Variants in AGAP1 observed in about 807,000 individuals in gnomAD.
AGAP1 encodes the protein ArfGAP with GTPase domain, ankyrin repeat and PH domain 1.
AGAP1 carries 29 observed loss-of-function variants against 105.3 expected under a neutral mutation model. That is an observed-to-expected ratio of 0.28 (90% confidence interval 0.21 to 0.38). The LOEUF (loss-of-function observed/expected upper bound fraction) is 0.38, where lower values mean the gene tolerates loss of function less well. Among genes scored for constraint, AGAP1 ranks in the 10% least tolerant of loss-of-function variants. AGAP1 has a pLI of 1.00. For synonymous variants in AGAP1, 509 were observed against 485.9 expected (o/e 1.05, Z -0.63); for missense variants, 998 against 1,165.1 (o/e 0.86, Z 2.09).
chr2:235,866,398 G>A lies in AGAP1; in HGVS notation c.1051-16947G>A, dbSNP rs531013340. On this transcript the variant is annotated intron_variant, in intron 9 of 17. Transcript: ENST00000304032. The surrounding 1 kb of genome is among the most constrained non-coding windows in gnomAD (Gnocchi z 6.1). ...TGAGGTACCTGGTAGATACTCGGGG[G>A]AGTGTGTCCAGTACGGAATGGGAAT... Among the ~76,000 whole-genome samples the A allele has an allele frequency of 1.3e-5, 2 of 152,262 alleles. No individual in the cohort carries two copies. The highest frequency in any genetic ancestry group is 6.5e-5 in the Admixed American group (1 of 15,290).
At chr2:235,510,512 G>T (rs954379951) in intron 1 of AGAP1, among the ~76,000 whole-genome samples, 2 of 152,164 alleles carry the variant, frequency 1.3e-5, no homozygotes, top group African/African-American at 4.8e-5. Flanking sequence ...GAACATTCAC[G>T]TGCAAGTCTT....
rs375682880 is a variant in AGAP1 at position 236,125,041 on chromosome 2, A to C, written c.*919A>C. 2 of 166,738 alleles carry C rather than the reference A, an allele frequency of 1.2e-5. No homozygotes were observed. Among genetic ancestry groups the C allele is most frequent in the Non-Finnish European group, 2.9e-5 (2 of 68,128 alleles). 10.3% of individuals were successfully genotyped at this position (166,738 alleles called of 1,614,324 possible). The stretch of plus-strand genomic sequence containing the variant: ...CAAAAGGAAACCACAAATTCAGCTA[A>C]TAATAGCATTTCGAGTATATTTCGT... On this transcript the variant is annotated 3_prime_UTR_variant, in exon 18 of 18. Coordinates refer to ENST00000304032, the MANE Select transcript of AGAP1 (RefSeq NM_001037131.3). This position sits in a 1 kb window ranked among gnomAD's most constrained non-coding sequence, Gnocchi z 5.2.
In AGAP1 at chr2:235,979,432, C is replaced by T. The variant is rs1183995478; in HGVS notation, c.1645+10809C>T. On this transcript the variant is annotated intron_variant, in intron 13 of 17. Transcript: ENST00000304032. This position sits in a 1 kb window ranked among gnomAD's most constrained non-coding sequence, Gnocchi z 4.5. Reference sequence around the variant, plus strand: ...GTCCGATCATAGTTACTGACTCGCGCTCATTTTATCAAGATGTATTAATGC... The same window carrying T: ...GTCCGATCATAGTTACTGACTCGCGTTCATTTTATCAAGATGTATTAATGC... Among the ~76,000 whole-genome samples the T allele has an allele frequency of 6.6e-6, 1 of 152,138 alleles. No homozygotes were observed. The highest frequency in any genetic ancestry group is 2.4e-5 in the African/African-American group (1 of 41,414).
At chr2:235,529,032 G>A (rs1158110004) in intron 1 of AGAP1, among the ~76,000 whole-genome samples, 2 of 152,152 alleles carry the variant, frequency 1.3e-5, no homozygotes, top group Admixed American at 6.5e-5. Flanking sequence ...TGATTCTCCT[G>A]CTGTGTGTCT....
In AGAP1 at chr2:236,003,911, A is replaced by G. The variant is rs1299210804; in HGVS notation, c.1646-32650A>G. The stretch of plus-strand genomic sequence containing the variant: ...AATAATACATACATGGTATAGATTG[A>G]TGCATAAAACAGTCAGCCCCTGGAC... On this transcript the variant is annotated intron_variant, in intron 13 of 17. Transcript: ENST00000304032. This position sits in a 1 kb window ranked among gnomAD's most constrained non-coding sequence, Gnocchi z 4.2. Among the ~76,000 whole-genome samples the G allele has an allele frequency of 6.6e-6, 1 of 152,198 alleles. No homozygotes were observed. The highest frequency in any genetic ancestry group is 6.5e-5 in the Admixed American group (1 of 15,274).
At chr2:235,844,256 A>G (rs1384722647) in intron 9 of AGAP1, among the ~76,000 whole-genome samples, 1 of 152,150 alleles carries the variant, frequency 6.6e-6, no homozygotes, top group Non-Finnish European at 1.5e-5. Flanking sequence ...TTTAACTTGA[A>G]TGCAGGAGCC....
At chr2:235,672,049 CAAAA>C (rs35296424) in intron 1 of AGAP1, among the ~76,000 whole-genome samples, 1 of 145,954 alleles carries the variant, frequency 6.9e-6, no homozygotes, top group Non-Finnish European at 1.5e-5. Flanking sequence ...TTTTTACCAC[CAAAA>C]AAAAAAATAT....
chr2:235,942,410 G>A (rs1285019905), intron 12 of AGAP1, among the ~76,000 whole-genome samples: 2 of 152,154 alleles, frequency 1.3e-5, no homozygotes, highest in African/African-American at 4.8e-5. Context: ...GGGCGTGGTG[G>A]CTCACACCTG....
intron 1 of AGAP1, among the ~76,000 whole-genome samples, chr2:235,537,097 A>C (rs1360295920): frequency 1.3e-5 from 2 of 152,260 alleles, no homozygotes; most frequent in Admixed American, 6.5e-5. Flanking sequence ...AAACAGACTC[A>C]AACGCATCTT....
At position 235,787,050 on chromosome 2, in the gene AGAP1, C is replaced by T. The variant is rs1398815459; in HGVS notation, c.674-10709C>T. On this transcript the variant is annotated intron_variant, in intron 6 of 17. Transcript: ENST00000304032. The surrounding 1 kb of genome is among the most constrained non-coding windows in gnomAD (Gnocchi z 4.4). ...GACACCAGCTCCTGCCACTCTGACA[C>T]ATACTTAGGCAGTGCTCAGAGTCGA... 6.6e-6 allele frequency among the ~76,000 whole-genome samples: 1 copy of T among 152,256 alleles called. No individual in the cohort carries two copies. Among genetic ancestry groups the T allele is most frequent in the African/African-American group, 2.4e-5 (1 of 41,472 alleles).
chr2:235,613,001 CAA>C (rs907150955), intron 1 of AGAP1, among the ~76,000 whole-genome samples: 6 of 151,324 alleles, frequency 4.0e-5, no homozygotes, highest in Admixed American at 6.6e-5. Context: ...TAGATTGTAA[CAA>C]GAGAATTTTG....
At chr2:235,726,378 A>C (rs1951645824) in intron 3 of AGAP1, among the ~76,000 whole-genome samples, 1 of 152,240 alleles carries the variant, frequency 6.6e-6, no homozygotes. Flanking sequence ...AGATATTTTA[A>C]CAAAACCGTT....
At chr2:236,031,168 T>A (rs959540555) in intron 13 of AGAP1, among the ~76,000 whole-genome samples, 1 of 152,152 alleles carries the variant, frequency 6.6e-6, no homozygotes, top group South Asian at 2.1e-4. Flanking sequence ...GAACTGTACA[T>A]GTCTGTAGGA....
intron 1 of AGAP1, among the ~76,000 whole-genome samples, chr2:235,514,901 T>C (rs1942316399): frequency 6.6e-6 from 1 of 152,184 alleles, no homozygotes; most frequent in Admixed American, 6.5e-5. Flanking sequence ...TTAGATCAGA[T>C]GTTCAATGAC....
intron 10 of AGAP1, among the ~76,000 whole-genome samples, chr2:235,897,283 G>A (rs947134667): frequency 2.6e-5 from 4 of 151,978 alleles, no homozygotes; most frequent in Admixed American, 6.5e-5. Context: ...CAACTGATCC[G>A]CCCACCTCGG....
In AGAP1 at chr2:235,586,074, C is replaced by T. The variant is rs747571290; in HGVS notation, c.163+91225C>T. Among the ~76,000 whole-genome samples the T allele has an allele frequency of 2.6e-5, 4 of 152,010 alleles. No homozygotes were observed. Among genetic ancestry groups the T allele is most frequent in the East Asian group, 1.9e-4 (1 of 5,192 alleles). On this transcript the variant is annotated intron_variant, in intron 1 of 17. Coordinates refer to ENST00000304032, the MANE Select transcript of AGAP1 (RefSeq NM_001037131.3). The surrounding 1 kb of genome is among the most constrained non-coding windows in gnomAD (Gnocchi z 4.2). ...GAAGGGGATTTAGGAGCTTCATGAGCGAGTCAAATGCAAGTTGGGGAAGTG... is the reference window on the plus strand; with the variant it reads ...GAAGGGGATTTAGGAGCTTCATGAGTGAGTCAAATGCAAGTTGGGGAAGTG...
At chr2:235,954,496 T>C (rs902309737) in intron 12 of AGAP1, among the ~76,000 whole-genome samples, 1 of 150,432 alleles carries the variant, frequency 6.6e-6, no homozygotes, top group African/African-American at 2.5e-5. Context: ...AACTTTCTCC[T>C]TACAATGCCT....
intron 8 of AGAP1, among the ~76,000 whole-genome samples, chr2:235,803,051 G>GGTTGTGATGGTGGTGATGGTT (rs760565560): frequency 2.8e-4 from 1 of 3,588 alleles, no homozygotes; most frequent in African/African-American, 6.2e-4. Flanking sequence ...TGATGGTTGT[G>GGTTGTGATGGTGGTGATGGTT]GTGATGGTGG....
At chr2:235,706,294 G>A (rs558498803) in intron 1 of AGAP1, among the ~76,000 whole-genome samples, 1 of 152,118 alleles carries the variant, frequency 6.6e-6, no homozygotes, top group African/African-American at 2.4e-5. Flanking sequence ...GCACAGTCTC[G>A]GCTCACTGCA....
Sources: gnomAD v4.1 joint callset for allele counts (sites outside exome capture counted in the v4.1 genomes callset) on GRCh38, gnomAD v4.1.1 for gene constraint, Gnocchi (gnomAD v3.1) non-coding constraint, MANE v1.5 for transcripts, NCBI Gene and HGNC (gene_info 2026-07-23, HGNC 2026-07-21) for gene names.